Variants in LYPD6 observed in about 807,000 individuals in gnomAD.
LYPD6 encodes the protein LY6/PLAUR domain containing 6, also known as ly6/PLAUR domain-containing protein 6.
LYPD6 carries 15 observed loss-of-function variants against 22.7 expected under a neutral mutation model. The observed-to-expected ratio is 0.66, with a 90% CI of 0.44 to 1.02. The LOEUF (loss-of-function observed/expected upper bound fraction) is 1.02, where lower values mean the gene tolerates loss of function less well. LYPD6 is among the 50% of genes least tolerant of loss of function. The probability of loss-of-function intolerance (pLI) is 0.00; values close to 1 mark genes in which losing one functional copy is unlikely to be tolerated. For synonymous variants in LYPD6, 72 were observed against 77.5 expected (o/e 0.93, Z 0.37); for missense variants, 189 against 208.4 (o/e 0.91, Z 0.57).
intron 1 of LYPD6, among the ~76,000 whole-genome samples, chr2:149,423,420 G>GCAGA (rs1488988885): frequency 6.6e-6 from 1 of 152,196 alleles, no homozygotes; most frequent in African/African-American, 2.4e-5. Flanking sequence ...TAGGTGGGAT[G>GCAGA]CAGATTTGGG....
chr2:149,434,675 T>G (rs1683391103), intron 1 of LYPD6, among the ~76,000 whole-genome samples: 1 of 152,012 alleles, frequency 6.6e-6, no homozygotes, highest in Admixed American at 6.5e-5. Flanking sequence ...ATTAGAATAG[T>G]CTGACATAAA....
At chr2:149,427,708 T>C (rs572499153) in intron 1 of LYPD6, among the ~76,000 whole-genome samples, 5 of 152,240 alleles carry the variant, frequency 3.3e-5, no homozygotes, top group Non-Finnish European at 7.3e-5. Flanking sequence ...ATAATGGCTA[T>C]ACTCAATAGC....
At chr2:149,425,961 A>C (rs1683180281) in intron 1 of LYPD6, among the ~76,000 whole-genome samples, 1 of 152,242 alleles carries the variant, frequency 6.6e-6, no homozygotes, top group Non-Finnish European at 1.5e-5. Context: ...GGTATTAATC[A>C]CAGATTTGGA....
chr2:149,364,123 A>G (rs967720134), intron 1 of LYPD6, among the ~76,000 whole-genome samples: 9 of 152,176 alleles, frequency 5.9e-5, no homozygotes, highest in African/African-American at 2.2e-4. Context: ...GCTTTGAGTG[A>G]ACAGTTAATC....
chr2:149,470,641 C>T (rs1411162064), intron 4 of LYPD6, 42 bp from the exon 5 acceptor site: 1 of 1,584,534 alleles, frequency 6.3e-7, no homozygotes, highest in Non-Finnish European at 8.6e-7. Flanking sequence ...CCTTCCAAGA[C>T]ATGCTGGCTT....
At chr2:149,446,696 A>G (rs568290248) in intron 2 of LYPD6, among the ~76,000 whole-genome samples, 21 of 152,254 alleles carry the variant, frequency 1.4e-4, no homozygotes, top group African/African-American at 4.1e-4. Flanking sequence ...TTGAGTTACT[A>G]TGTGAGAGAG....
chr2:149,424,125 C>G (rs1041371078), intron 1 of LYPD6, among the ~76,000 whole-genome samples: 2 of 151,254 alleles, frequency 1.3e-5, no homozygotes, highest in Admixed American at 1.3e-4. Flanking sequence ...GTACACATGT[C>G]AATATGCACA....
intron 1 of LYPD6, among the ~76,000 whole-genome samples, chr2:149,361,233 G>A (rs1201653216): frequency 1.3e-5 from 2 of 152,122 alleles, no homozygotes; most frequent in East Asian, 1.9e-4. Context: ...TGAGACACAA[G>A]GGTAAGATTC....
chr2:149,369,764 A>C (rs1000843961), intron 1 of LYPD6, among the ~76,000 whole-genome samples: 5 of 152,208 alleles, frequency 3.3e-5, no homozygotes, highest in Non-Finnish European at 5.9e-5. Context: ...GATTGAATTC[A>C]GGAAGAAAAG....
intron 1 of LYPD6, among the ~76,000 whole-genome samples, chr2:149,418,983 C>G (rs948900687): frequency 6.6e-6 from 1 of 152,204 alleles, no homozygotes; most frequent in African/African-American, 2.4e-5. Flanking sequence ...CTGCCACTTT[C>G]TATAATACAA....
At chr2:149,366,183 C>CT (rs1350981372) in intron 1 of LYPD6, among the ~76,000 whole-genome samples, 5 of 152,122 alleles carry the variant, frequency 3.3e-5, no homozygotes, top group East Asian at 1.9e-4. Context: ...CACTGCCTGC[C>CT]TTTTTTATTA....
intron 1 of LYPD6, among the ~76,000 whole-genome samples, chr2:149,384,931 C>A (rs1053911396): frequency 4.8e-5 from 7 of 146,096 alleles, no homozygotes; most frequent in African/African-American, 1.8e-4. Context: ...TTCCTGTGTC[C>A]ATGTGTTCTC....
Position 149,472,122 on chromosome 2 carries a change from G to A in LYPD6, c.*1272G>A, listed in dbSNP as rs2105186307. 6.6e-6 allele frequency: 1 copy of A among 151,988 alleles called. No homozygotes were observed. Among genetic ancestry groups the A allele is most frequent in the Admixed American group, 6.6e-5 (1 of 15,246 alleles). The allele number at this position is 151,988 out of a possible 1,614,324, so 9.4% of individuals were successfully genotyped here. ...ATTTAAACAGTATTTATTTTTGTAA[G>A]GCATAACTAGAAACTAAAATATATT... On this transcript the variant is annotated 3_prime_UTR_variant, in exon 5 of 5. Transcript: ENST00000334166.
chr2:149,385,298 T>G (rs1431997078), intron 1 of LYPD6, among the ~76,000 whole-genome samples: 1 of 152,176 alleles, frequency 6.6e-6, no homozygotes, highest in Non-Finnish European at 1.5e-5. Flanking sequence ...CTATTTAACA[T>G]GTGGCATTCA....
In LYPD6 at chr2:149,470,948, G is replaced by A. The variant is rs1469119182; in HGVS notation, c.*98G>A. 1 of 1,109,326 alleles carries A rather than the reference G, an allele frequency of 9.0e-7. No individual in the cohort carries two copies. Among genetic ancestry groups the A allele is most frequent in the Non-Finnish European group, 1.3e-6 (1 of 760,190 alleles). 68.7% of individuals were successfully genotyped at this position (1,109,326 alleles called of 1,614,324 possible). On this transcript the variant is annotated 3_prime_UTR_variant, in exon 5 of 5. Coordinates refer to ENST00000334166, the MANE Select transcript of LYPD6 (RefSeq NM_194317.5). ...GGCCTGACAGTAATTACACATGTGA[G>A]ACACAACACTCTTGGAGGTCATCAC... is the stretch of plus-strand genomic sequence containing the variant.
intron 2 of LYPD6, among the ~76,000 whole-genome samples, chr2:149,446,759 T>A (rs777238177): frequency 6.6e-6 from 1 of 152,202 alleles, no homozygotes; most frequent in Non-Finnish European, 1.5e-5. Context: ...TTTTAGACTG[T>A]TTATGACTTT....
At chr2:149,444,048 C>G (rs951721322) in intron 2 of LYPD6, among the ~76,000 whole-genome samples, 1 of 151,808 alleles carries the variant, frequency 6.6e-6, no homozygotes, top group African/African-American at 2.4e-5. Flanking sequence ...ATCCTCCCAC[C>G]TCAGCCTCCT....
chr2:149,356,856 CAT>C (rs150632290), intron 1 of LYPD6, among the ~76,000 whole-genome samples: 2,194 of 152,248 alleles, frequency 0.014, 16 homozygotes, highest in Non-Finnish European at 0.018. Flanking sequence ...GTATGTATAA[CAT>C]ATGTGTAATA....
At chr2:149,338,803 C>T (rs982033170) in intron 1 of LYPD6, among the ~76,000 whole-genome samples, 1 of 152,118 alleles carries the variant, frequency 6.6e-6, no homozygotes, top group Non-Finnish European at 1.5e-5. Flanking sequence ...GATTGTTCTC[C>T]AATATTAGCT....
Sources: allele counts gnomAD v4.1 joint callset (sites outside exome capture counted in the v4.1 genomes callset), GRCh38; gene constraint gnomAD v4.1.1; transcripts MANE v1.5; gene names NCBI Gene and HGNC (gene_info 2026-07-23, HGNC 2026-07-21).